PPM1H: variants seen among roughly 807,000 people sequenced by gnomAD.
PPM1H encodes the protein protein phosphatase 1H.
PPM1H carries 27 observed loss-of-function variants against 54.9 expected under a neutral mutation model. The ratio of observed to expected loss-of-function variants is 0.49; its 90% CI spans 0.36 to 0.68. PPM1H has a LOEUF of 0.68. Among genes scored for constraint, PPM1H ranks in the 30% least tolerant of loss-of-function variants. The pLI, the probability that PPM1H is intolerant of heterozygous loss-of-function variation, is 0.00. For missense variants in PPM1H, 596 were observed against 667.8 expected (o/e 0.89, Z 1.19); for synonymous variants, 305 against 270.8 (o/e 1.13, Z -1.24).
At position 62,925,176 on chromosome 12, in the gene PPM1H, GA is replaced by G. The variant is rs1328339733; in HGVS notation, c.245+9315del. On this transcript the variant is annotated intron_variant, in intron 1 of 9. Coordinates refer to ENST00000228705, the MANE Select transcript of PPM1H (RefSeq NM_020700.2). Reference sequence around the variant, plus strand: ...ATATCTTAGACTAATTAAAAAAGGGGAAACTATAGAAGTTGAACTTTTGTTT... The same window carrying G: ...ATATCTTAGACTAATTAAAAAAGGGGAACTATAGAAGTTGAACTTTTGTTT... Among the ~76,000 whole-genome samples the G allele has an allele frequency of 5.3e-5, 8 of 152,266 alleles. No homozygotes were observed. The East Asian group carries it at 1.5e-3, about 29-fold the overall frequency.
At chr12:62,685,394 A>G (rs1238441587) in intron 8 of PPM1H, among the ~76,000 whole-genome samples, 2 of 152,142 alleles carry the variant, frequency 1.3e-5, no homozygotes, top group Non-Finnish European at 2.9e-5. Context: ...GTCCCTAAAC[A>G]CTGACCAAAT....
At chr12:62,793,616 C>T (rs1407664913) in intron 3 of PPM1H, among the ~76,000 whole-genome samples, 4 of 151,606 alleles carry the variant, frequency 2.6e-5, no homozygotes, top group African/African-American at 9.7e-5. Context: ...CCCAGCTACT[C>T]GGGAGGTTGA....
intron 2 of PPM1H, among the ~76,000 whole-genome samples, chr12:62,826,201 A>G (rs1270313608): frequency 2.0e-5 from 3 of 152,168 alleles, no homozygotes; most frequent in Non-Finnish European, 4.4e-5. Context: ...TGTAATCCCA[A>G]CACTTCAGGA....
intron 8 of PPM1H, among the ~76,000 whole-genome samples, chr12:62,684,543 A>G (rs1476049406): frequency 6.6e-6 from 1 of 152,172 alleles, no homozygotes; most frequent in Non-Finnish European, 1.5e-5. Flanking sequence ...AGGAGCCACA[A>G]TGATGAATGG....
chr12:62,727,530 T>C (rs1565770354), intron 5 of PPM1H, among the ~76,000 whole-genome samples: 1 of 151,994 alleles, frequency 6.6e-6, no homozygotes, highest in Non-Finnish European at 1.5e-5. Flanking sequence ...AACCCCATGA[T>C]GTTATTTTAC....
chr12:62,806,753 A>G (rs1057146666), intron 2 of PPM1H, among the ~76,000 whole-genome samples: 1 of 152,202 alleles, frequency 6.6e-6, no homozygotes, highest in East Asian at 1.9e-4. Flanking sequence ...CTTCCTGTAC[A>G]GCCTGTGGAC....
chr12:62,900,198 T>C (rs1871123099), intron 1 of PPM1H, among the ~76,000 whole-genome samples: 1 of 152,214 alleles, frequency 6.6e-6, no homozygotes, highest in South Asian at 2.1e-4. Context: ...AATACTGACT[T>C]CCTCGTTTGG....
chr12:62,855,497 C>T (rs1203187606), intron 1 of PPM1H, among the ~76,000 whole-genome samples: 2 of 152,246 alleles, frequency 1.3e-5, no homozygotes, highest in East Asian at 1.9e-4. Flanking sequence ...TTGAACACTG[C>T]GGTGCCAAAA....
chr12:62,805,980 A>T (rs548279265), intron 2 of PPM1H, among the ~76,000 whole-genome samples: 2 of 152,352 alleles, frequency 1.3e-5, no homozygotes, highest in African/African-American at 4.8e-5. Context: ...TGTCAATCAT[A>T]CCTCAATAAA....
chr12:62,746,496 C>T (rs74098819), intron 4 of PPM1H, among the ~76,000 whole-genome samples: 1,543 of 152,312 alleles, frequency 0.01, 23 homozygotes, highest in African/African-American at 0.035. Context: ...CACGGACTGC[C>T]AGAGTTCCAG....
intron 8 of PPM1H, among the ~76,000 whole-genome samples, chr12:62,677,796 G>A (rs1032855799): frequency 2.6e-5 from 4 of 152,162 alleles, no homozygotes; most frequent in South Asian, 4.1e-4. Flanking sequence ...GAAGCAACAC[G>A]GTAAGGATCC....
chr12:62,709,595 A>G (rs932098590), intron 6 of PPM1H, among the ~76,000 whole-genome samples: 5 of 151,566 alleles, frequency 3.3e-5, no homozygotes, highest in South Asian at 2.1e-4. Flanking sequence ...CCCAATCCCA[A>G]TCTCCCCTCT....
intron 4 of PPM1H, among the ~76,000 whole-genome samples, chr12:62,778,090 T>C (rs535903537): frequency 1.3e-5 from 2 of 152,320 alleles, no homozygotes; most frequent in East Asian, 1.9e-4. Flanking sequence ...CTCCTAAAAC[T>C]AACAGTGACA....
chr12:62,802,666 C>G (rs979553729), intron 2 of PPM1H, among the ~76,000 whole-genome samples: 2 of 151,780 alleles, frequency 1.3e-5, no homozygotes, highest in Admixed American at 6.6e-5. Flanking sequence ...CAGGTTCAAG[C>G]GATTCTCATG....
At chr12:62,891,018 A>G (rs1870775569) in intron 1 of PPM1H, among the ~76,000 whole-genome samples, 1 of 149,140 alleles carries the variant, frequency 6.7e-6, no homozygotes, top group African/African-American at 2.5e-5. Context: ...CTGAGACAGG[A>G]GAATCGCTTG....
At chr12:62,867,722 T>C (rs533642049) in intron 1 of PPM1H, among the ~76,000 whole-genome samples, 2 of 148,154 alleles carry the variant, frequency 1.3e-5, no homozygotes, top group South Asian at 4.4e-4. Context: ...GGACTACAGG[T>C]GCCTGCCACC....
chr12:62,725,834 T>TAA (rs139181763), intron 5 of PPM1H, among the ~76,000 whole-genome samples: 54 of 151,270 alleles, frequency 3.6e-4, no homozygotes, highest in Middle Eastern at 3.4e-3. Context: ...TCAGATATGT[T>TAA]AAAAAAAAAC....
At chr12:62,726,771 G>T (rs2076292056) in intron 5 of PPM1H, among the ~76,000 whole-genome samples, 1 of 152,180 alleles carries the variant, frequency 6.6e-6, no homozygotes, top group South Asian at 2.1e-4. Flanking sequence ...CATTTGTACT[G>T]GTCTGTGCCT....
At chr12:62,733,241 T>C (rs1592568992) in intron 5 of PPM1H, among the ~76,000 whole-genome samples, 1 of 152,276 alleles carries the variant, frequency 6.6e-6, no homozygotes, top group East Asian at 1.9e-4. Flanking sequence ...CTCTCATAGT[T>C]GATACTATTT....
Sources: allele counts gnomAD v4.1 joint callset (sites outside exome capture counted in the v4.1 genomes callset), GRCh38; gene constraint gnomAD v4.1.1; transcripts MANE v1.5; gene names NCBI Gene and HGNC (gene_info 2026-07-23, HGNC 2026-07-21).